The following PBX1 variants were observed in gnomAD, a reference collection of about 807,000 sequenced individuals.
The protein encoded by PBX1 is pre-B-cell leukemia transcription factor 1.
A neutral mutation model predicts 53.4 loss-of-function variants in PBX1; 6 were observed. The observed-to-expected ratio is 0.11, with a 90% CI of 0.06 to 0.22. The LOEUF is 0.22. PBX1 is among the 10% of genes least tolerant of loss of function. The pLI, the probability that PBX1 is intolerant of heterozygous loss-of-function variation, is 1.00. For synonymous variants in PBX1, 204 were observed against 212.3 expected (o/e 0.96, Z 0.34); for missense variants, 251 against 551.4 (o/e 0.46, Z 5.46).
At chr1:164,572,997 T>G (rs745749713) in intron 2 of PBX1, among the ~76,000 whole-genome samples, 2 of 152,104 alleles carry the variant, frequency 1.3e-5, no homozygotes, top group Non-Finnish European at 2.9e-5. Flanking sequence ...ATCTCCACAC[T>G]TTCACACCCC....
intron 2 of PBX1, among the ~76,000 whole-genome samples, chr1:164,859,560 T>C (rs1480191589): frequency 6.6e-6 from 1 of 152,202 alleles, no homozygotes; most frequent in East Asian, 1.9e-4. Flanking sequence ...CTTTGGGACT[T>C]TCTATGCATT....
intron 2 of PBX1, among the ~76,000 whole-genome samples, chr1:164,607,661 C>T (rs1021476553): frequency 1.3e-5 from 2 of 152,016 alleles, no homozygotes; most frequent in Non-Finnish European, 2.9e-5. Flanking sequence ...CGATTGATGC[C>T]GTGAGAGGGA....
At chr1:164,738,425 A>G (rs559141689) in intron 2 of PBX1, among the ~76,000 whole-genome samples, 2 of 152,276 alleles carry the variant, frequency 1.3e-5, no homozygotes, top group South Asian at 4.1e-4. Flanking sequence ...AGATAGGATT[A>G]TAGGCATGTG....
intron 2 of PBX1, among the ~76,000 whole-genome samples, chr1:164,868,218 G>T (rs1672265027): frequency 6.6e-6 from 1 of 152,142 alleles, no homozygotes; most frequent in Admixed American, 6.5e-5. Flanking sequence ...ACTTCTGAGG[G>T]GGGCCATTTT....
chr1:164,750,145 G>GTGT (rs764160266), intron 2 of PBX1, among the ~76,000 whole-genome samples: 1 of 140,806 alleles, frequency 7.1e-6, no homozygotes, highest in Non-Finnish European at 1.5e-5. Flanking sequence ...GGGGCTAGTT[G>GTGT]GTGTGTGTGT....
intron 2 of PBX1, among the ~76,000 whole-genome samples, chr1:164,750,003 G>A (rs1158218646): frequency 1.3e-5 from 2 of 152,058 alleles, no homozygotes; most frequent in African/African-American, 4.8e-5. Context: ...GGGAGGCTGA[G>A]GCAAAAGGAT....
chr1:164,668,148 T>G (rs1370517765), intron 2 of PBX1, among the ~76,000 whole-genome samples: 1 of 152,160 alleles, frequency 6.6e-6, no homozygotes, highest in Non-Finnish European at 1.5e-5. Context: ...TGTCATCTGT[T>G]CCCAACAGTC....
At chr1:164,660,821 G>C (rs1660446244) in intron 2 of PBX1, among the ~76,000 whole-genome samples, 1 of 152,138 alleles carries the variant, frequency 6.6e-6, no homozygotes, top group Non-Finnish European at 1.5e-5. Flanking sequence ...ATTGTGGTCT[G>C]TGCCTACAAA....
At chr1:164,649,192 CTG>C (rs1422819955) in intron 2 of PBX1, among the ~76,000 whole-genome samples, 1 of 152,174 alleles carries the variant, frequency 6.6e-6, no homozygotes, top group East Asian at 1.9e-4. Flanking sequence ...AACAAATGGG[CTG>C]TGTGTGTCTC....
intron 2 of PBX1, among the ~76,000 whole-genome samples, chr1:164,687,739 T>C (rs1552560): frequency 0.34 from 51,910 of 151,938 alleles, 9,276 homozygotes; most frequent in African/African-American, 0.44. Flanking sequence ...ATTGGCAATA[T>C]GAGGTGGACC....
chr1:164,636,534 T>C (rs1658790925), intron 2 of PBX1, among the ~76,000 whole-genome samples: 1 of 152,184 alleles, frequency 6.6e-6, no homozygotes, highest in African/African-American at 2.4e-5. Flanking sequence ...CTTGCTGACG[T>C]AGTATTTCCT....
In PBX1 at chr1:164,575,055, G is replaced by A. The variant is rs1406174529; in HGVS notation, c.265+11744G>A. 4.6e-5 allele frequency among the ~76,000 whole-genome samples: 7 copies of A among 152,276 alleles called. No individual in the cohort carries two copies. The East Asian group carries it at 9.6e-4, about 21-fold the overall frequency. On this transcript the variant is annotated intron_variant, in intron 2 of 8. Transcript: ENST00000420696. ...GGCCAATCCCAGTTTAATCCACCTT[G>A]CGGACTTTGTGATGGAATGCATATG...
intron 2 of PBX1, among the ~76,000 whole-genome samples, chr1:164,565,140 G>T (rs991795724): frequency 1.3e-5 from 2 of 151,984 alleles, no homozygotes; most frequent in Admixed American, 6.6e-5. Flanking sequence ...AAAGTGGGTG[G>T]GTGTGAATAG....
At chr1:164,845,900 T>C (rs1264453235) in intron 8 of PBX1, among the ~76,000 whole-genome samples, 4 of 152,218 alleles carry the variant, frequency 2.6e-5, no homozygotes, top group African/African-American at 9.6e-5. Flanking sequence ...GTGCTCCCTC[T>C]ATGAAGTATT....
intron 2 of PBX1, 62 bp from the exon 3 acceptor site, chr1:164,792,432 T>C: frequency 6.3e-7 from 1 of 1,590,956 alleles, no homozygotes; most frequent in South Asian, 1.1e-5. Flanking sequence ...ACAAATGTGT[T>C]GTGTTTTTTA....
intron 2 of PBX1, among the ~76,000 whole-genome samples, chr1:164,786,720 T>TGTGTGTGTGTGTGC (rs1357886882): frequency 6.9e-5 from 8 of 116,252 alleles, no homozygotes; most frequent in African/African-American, 2.4e-4. Flanking sequence ...TGTGTGTGTG[T>TGTGTGTGTGTGTGC]GCGCGCGCAC....
chr1:164,678,695 C>G (rs1297896765), intron 2 of PBX1, among the ~76,000 whole-genome samples: 1 of 152,184 alleles, frequency 6.6e-6, no homozygotes, highest in African/African-American at 2.4e-5. Context: ...ATTATCTCAG[C>G]AAAACCCCTC....
Position 164,692,468 on chromosome 1 carries a change from C to T in PBX1, c.266-100026C>T, listed in dbSNP as rs572678812. 2.4e-4 allele frequency among the ~76,000 whole-genome samples: 37 copies of T among 152,072 alleles called. 1 individual carries two copies. Among genetic ancestry groups the T allele is most frequent in the Non-Finnish European group, 5.0e-4 (34 of 68,014 alleles). ...AGGTTTTCGTGGAGGAAATGGGACC[C>T]CTTATAGATAACACAACCATCCATT... On this transcript the variant is annotated intron_variant, in intron 2 of 8. Transcript: ENST00000420696.
intron 2 of PBX1, among the ~76,000 whole-genome samples, chr1:164,715,999 T>G (rs988154381): frequency 1.3e-5 from 2 of 152,176 alleles, no homozygotes; most frequent in African/African-American, 2.4e-5. Context: ...ATTATTTTAG[T>G]GGGGAGGTGG....
Sources: gnomAD v4.1 joint callset for allele counts (sites outside exome capture counted in the v4.1 genomes callset) on GRCh38, gnomAD v4.1.1 for gene constraint, MANE v1.5 for transcripts, NCBI Gene and HGNC (gene_info 2026-07-23, HGNC 2026-07-21) for gene names.